NICN1: variants seen among roughly 807,000 people sequenced by gnomAD.
NICN1 encodes nicolin 1, tubulin polyglutamylase complex subunit.
In NICN1, 18 loss-of-function variants were observed where a neutral mutation model predicts 26.3. That is an observed-to-expected ratio of 0.68 (90% confidence interval 0.47 to 1.01). The LOEUF is 1.01. Ranked by LOEUF, NICN1 falls within the 50% of genes least tolerant of loss-of-function variation. NICN1 has a pLI of 0.00. For synonymous variants in NICN1, 109 were observed against 111.0 expected (o/e 0.98, Z 0.11); for missense variants, 239 against 278.3 (o/e 0.86, Z 1.00).
Position 49,426,265 on chromosome 3 carries a change from A to G in NICN1, c.296T>C (p.Leu99Pro), listed in dbSNP as rs1197290983. The G allele has an allele frequency of 1.2e-6, 2 of 1,614,068 alleles. No individual in the cohort carries two copies. Among genetic ancestry groups the G allele is most frequent in the Non-Finnish European group, 1.7e-6 (2 of 1,180,010 alleles). The change falls in exon 2 of 6, where the codon CTG becomes CCG. Residue 99 changes from leucine (L) to proline (P), a missense_variant. Transcript: ENST00000273598. The part of the protein sequence containing the change: ...SEEGAQEYVS[L>P]FKHQMLCDMA... ...GGCCCAGCTGACCTGATGCTTGAAC[A>G]GCGATACATACTCCTGGGCTCCCTC...
intron 4 of NICN1, 58 bp downstream of exon 4, chr3:49,425,309 G>T (rs1414850097): frequency 4.3e-6 from 6 of 1,405,546 alleles, no homozygotes; most frequent in Non-Finnish European, 6.0e-6. Context: ...GGTCTACCTG[G>T]CCTGTGTTGG....
intron 3 of NICN1, 94 bp downstream of exon 3, chr3:49,425,789 A>G: frequency 1.5e-6 from 1 of 654,338 alleles, no homozygotes; most frequent in South Asian, 1.9e-5. Flanking sequence ...CCCCATTCAC[A>G]ATCTTCACCC....
Position 49,429,301 on chromosome 3 carries a change from C to G in NICN1, c.-62G>C. On this transcript the variant is annotated 5_prime_UTR_variant, in exon 1 of 6. Transcript: ENST00000273598. The stretch of plus-strand genomic sequence containing the variant: ...TAGGCCCCCGACCACCAGCCCTTCC[C>G]GGCATCCTCAGCCGAGCCTCAAGAA... 1 of 1,514,248 alleles carries G rather than the reference C, an allele frequency of 6.6e-7. No homozygotes were observed. The highest frequency in any genetic ancestry group is 8.9e-7 in the Non-Finnish European group (1 of 1,126,032). The allele number at this position is 1,514,248 out of a possible 1,614,324, so 93.8% of individuals were successfully genotyped here.
Position 49,426,324 on chromosome 3 carries a change from C to G in NICN1, c.237G>C (p.Arg79=), listed in dbSNP as rs1559532519. ...HTPAKWVTCL[R]DYCLMPDPHS... ...GTGGGTCAGGCATTAGGCAGTAGTC[C>G]CGCAGGCAGGTCACCCACTTGGCAG... The change falls in exon 2 of 6, where the codon CGG becomes CGC. Residue 79 remains arginine (R), a synonymous_variant. Transcript: ENST00000273598. 1.2e-6 allele frequency: 2 copies of G among 1,614,066 alleles called. No individual in the cohort carries two copies. The highest frequency in any genetic ancestry group is 2.7e-5 in the African/African-American group (2 of 74,914).
Position 49,422,558 on chromosome 3 carries a change from G to A in NICN1, c.*2275C>T. ...CGGACAGGTCTCTCTCCGGAGCAAA[G>A]GATCTGAAGGGGGCGTGGGCAGCCC... On this transcript the variant is annotated 3_prime_UTR_variant, in exon 6 of 6. Transcript: ENST00000273598. The A allele has an allele frequency of 8.1e-7, 1 of 1,238,784 alleles. No homozygotes were observed. Among genetic ancestry groups the A allele is most frequent in the Non-Finnish European group, 1.2e-6 (1 of 862,730 alleles). The allele number at this position is 1,238,784 out of a possible 1,614,324, so 76.7% of individuals were successfully genotyped here. A position where few individuals can be genotyped will look rare whatever the true frequency, so the allele number is the denominator to read the frequency against.
rs930561369 is a variant in NICN1 at position 49,422,336 on chromosome 3, C to T, written c.*2497G>A. The T allele has an allele frequency of 6.2e-7, 1 of 1,613,630 alleles. No homozygotes were observed. The highest frequency in any genetic ancestry group is 1.3e-5 in the African/African-American group (1 of 75,032). ...CCCAGCCGCTTCCCTCCCCCACCCT[C>T]CAAGATCAGCACCCTCTATCCCACC... On this transcript the variant is annotated 3_prime_UTR_variant, in exon 6 of 6. Transcript: ENST00000273598.
At chr3:49,427,960 G>T (rs1323606354) in intron 1 of NICN1, among the ~76,000 whole-genome samples, 2 of 152,112 alleles carry the variant, frequency 1.3e-5, no homozygotes, top group Non-Finnish European at 2.9e-5. Flanking sequence ...AGACAAGAGA[G>T]ACAGGGCTGG....
Position 49,425,059 on chromosome 3 carries a change from C to T in NICN1, c.496-6G>A. The T allele has an allele frequency of 1.2e-6, 2 of 1,610,360 alleles. No individual in the cohort carries two copies. The highest frequency in any genetic ancestry group is 1.7e-6 in the Non-Finnish European group (2 of 1,176,744). On this transcript the variant is annotated splice_region_variant and splice_polypyrimidine_tract_variant and intron_variant, in intron 4 of 5. Transcript: ENST00000273598. Reference sequence around the variant, plus strand: ...CTGCTGGGGTCTGGGAGACCCTGCTCCAGAAGGAGGGGTCAGTGGCCATGG... The same window carrying T: ...CTGCTGGGGTCTGGGAGACCCTGCTTCAGAAGGAGGGGTCAGTGGCCATGG...
At position 49,422,754 on chromosome 3, in the gene NICN1, C is replaced by G. The variant is rs1359920674; in HGVS notation, c.*2079G>C. 2.0e-6 allele frequency: 1 copy of G among 510,894 alleles called. No homozygotes were observed. The highest frequency in any genetic ancestry group is 1.9e-5 in the African/African-American group (1 of 51,938). The allele number at this position is 510,894 out of a possible 1,614,324, so 31.6% of individuals were successfully genotyped here. A position where few individuals can be genotyped will look rare whatever the true frequency, so the allele number is the denominator to read the frequency against. On this transcript the variant is annotated 3_prime_UTR_variant, in exon 6 of 6. Coordinates refer to ENST00000273598, the MANE Select transcript of NICN1 (RefSeq NM_032316.3). ...CGCCCCCTGCAGAACCGCCCTGTCT[C>G]CAGAGGGTCAAAGTTCTGGAAAGGG...
At position 49,422,910 on chromosome 3, in the gene NICN1, CT is replaced by C. The variant is rs1575310570; in HGVS notation, c.*1922del. ...CTCATGTGGACCCCTAGTTCCACAG[CT>C]CTCCCACCAGGCAGACACAGGCAGC... On this transcript the variant is annotated 3_prime_UTR_variant, in exon 6 of 6. Transcript: ENST00000273598. 1 of 293,990 alleles carries C rather than the reference CT, an allele frequency of 3.4e-6. No individual in the cohort carries two copies. The highest frequency in any genetic ancestry group is 6.8e-6 in the Non-Finnish European group (1 of 147,542). 18.2% of individuals were successfully genotyped at this position (293,990 alleles called of 1,614,324 possible). A position where few individuals can be genotyped will look rare whatever the true frequency, so the allele number is the denominator to read the frequency against.
intron 1 of NICN1, among the ~76,000 whole-genome samples, chr3:49,428,278 C>T (rs550796975): frequency 4.4e-4 from 67 of 151,916 alleles, no homozygotes; most frequent in African/African-American, 1.2e-3. Context: ...CTCAATGCCA[C>T]GCCATTGGAG....
chr3:49,426,530 T>A, intron 1 of NICN1, 102 bp from the exon 2 acceptor site: 7 of 180,626 alleles, frequency 3.9e-5, no homozygotes, highest in Non-Finnish European at 6.4e-5. Flanking sequence ...CCACCTTTTC[T>A]TTTTTTTTTT....
In NICN1 at chr3:49,425,416, T is replaced by C. The variant is rs1282657485; in HGVS notation, c.446A>G (p.Lys149Arg). 2 of 1,612,834 alleles carry C rather than the reference T, an allele frequency of 1.2e-6. No homozygotes were observed. Among genetic ancestry groups the C allele is most frequent in the Non-Finnish European group, 8.5e-7 (1 of 1,179,750 alleles). The change falls in exon 4 of 6, where the codon AAG becomes AGG. Residue 149 changes from lysine to arginine, a missense_variant. Transcript: ENST00000273598. ...ACAGGGCACTGGGTGGGAGAGCCAC[T>C]TGGGAAAGGTCACGGAGGGGCTCTG... ...GPKSPSVTFP[K>R]WLSHPVPCEQ... is the part of the protein sequence containing the mutation.
chr3:49,424,947 A>G lies in NICN1; in HGVS notation c.600+2T>C. ...GCCAAGCAGAAGGAAGCGATTACTT[A>G]CATCAAAGCGGCCGATCCTTGCGGA... On this transcript the variant is annotated splice_donor_variant, in intron 5 of 5. Coordinates refer to ENST00000273598, the MANE Select transcript of NICN1 (RefSeq NM_032316.3). LOFTEE classifies it high-confidence loss of function. 1.2e-6 allele frequency: 2 copies of G among 1,613,914 alleles called. No individual in the cohort carries two copies. Among genetic ancestry groups the G allele is most frequent in the Non-Finnish European group, 1.7e-6 (2 of 1,179,812 alleles).
At position 49,429,284 on chromosome 3, in the gene NICN1, C is replaced by G. The variant is rs774319932; in HGVS notation, c.-45G>C. On this transcript the variant is annotated 5_prime_UTR_variant, in exon 1 of 6. Transcript: ENST00000273598. ...AAGTGCAACCGCCGCTCTAGGCCCCCGACCACCAGCCCTTCCCGGCATCCT... is the reference window on the plus strand; with the variant it reads ...AAGTGCAACCGCCGCTCTAGGCCCCGGACCACCAGCCCTTCCCGGCATCCT... 5 of 1,545,090 alleles carry G rather than the reference C, an allele frequency of 3.2e-6. No homozygotes were observed. The African/African-American group carries it at 5.6e-5, about 17-fold the overall frequency.
chr3:49,424,828 A>G lies in NICN1; in HGVS notation c.*5T>C, dbSNP rs776622085. 1.2e-5 allele frequency: 20 copies of G among 1,613,500 alleles called. No individual in the cohort carries two copies. In the Admixed American group the frequency reaches 2.8e-4, roughly 23 times the overall value. ...AAGGCCAACATCTTGGCTAGGAGCA[A>G]CCATTCAAGTGTAGGAGAGCAAGTT... On this transcript the variant is annotated 3_prime_UTR_variant, in exon 6 of 6. Transcript: ENST00000273598.
intron 2 of NICN1, 74 bp from the exon 3 acceptor site, chr3:49,426,070 G>T: frequency 1.7e-6 from 2 of 1,164,732 alleles, no homozygotes; most frequent in Non-Finnish European, 2.5e-6. Flanking sequence ...CAATGAGCCA[G>T]AATGCTGCCC....
At position 49,422,707 on chromosome 3, in the gene NICN1, A is replaced by G; in HGVS notation, c.*2126T>C. On this transcript the variant is annotated 3_prime_UTR_variant, in exon 6 of 6. Transcript: ENST00000273598. Reference sequence around the variant, plus strand: ...CAATCCAGAGCTGATTGGGCTGCCCAGAACAAAGCTAGGGGCTAGACCGCC... The same window carrying G: ...CAATCCAGAGCTGATTGGGCTGCCCGGAACAAAGCTAGGGGCTAGACCGCC... 1.6e-6 allele frequency: 1 copy of G among 634,974 alleles called. No individual in the cohort carries two copies. Among genetic ancestry groups the G allele is most frequent in the Non-Finnish European group, 2.9e-6 (1 of 346,784 alleles). The allele number at this position is 634,974 out of a possible 1,614,324, so 39.3% of individuals were successfully genotyped here. A position where few individuals can be genotyped will look rare whatever the true frequency, so the allele number is the denominator to read the frequency against.
chr3:49,427,769 G>A (rs1258298618), intron 1 of NICN1, among the ~76,000 whole-genome samples: 1 of 152,160 alleles, frequency 6.6e-6, no homozygotes, highest in Non-Finnish European at 1.5e-5. Context: ...TACTGCAGTG[G>A]ATCTTGTCAT....
Sources: gnomAD v4.1 joint callset for allele counts (sites outside exome capture counted in the v4.1 genomes callset) on GRCh38, gnomAD v4.1.1 for gene constraint, MANE v1.5 for transcripts, NCBI Gene and HGNC (gene_info 2026-07-23, HGNC 2026-07-21) for gene names.